The following PCDH11X variants were observed in gnomAD, a reference collection of about 807,000 sequenced individuals.
The protein encoded by PCDH11X is protocadherin 11 X-linked, also known as protocadherin-11 X-linked.
PCDH11X carries 18 observed loss-of-function variants against 53.3 expected under a neutral mutation model. That is an observed-to-expected ratio of 0.34 (90% CI 0.23 to 0.50). PCDH11X has a LOEUF of 0.50. PCDH11X is among the 20% of genes least tolerant of loss of function. The pLI is 0.98. For synonymous variants in PCDH11X, 279 were observed against 393.3 expected, an observed-to-expected ratio of 0.71 and a Z score of 3.44; for missense variants, 570 against 1,032.4, an observed-to-expected ratio of 0.55 and a Z score of 6.14.
intron 6 of PCDH11X, among the ~76,000 whole-genome samples, chrX:92,011,046 C>T (rs775195412): frequency 1.8e-4 from 20 of 110,754 alleles, no homozygotes; most frequent in South Asian, 7.6e-4. Context: ...TTACTGCAAG[C>T]GGAATGATTT....
intron 10 of PCDH11X, among the ~76,000 whole-genome samples, chrX:92,513,435 G>A (rs968314128): frequency 3.6e-5 from 4 of 110,684 alleles, no homozygotes; most frequent in African/African-American, 6.6e-5. Context: ...TAAGAATAAC[G>A]CATAGTGAGT....
chrX:92,605,926 T>C (rs1926737753), intron 10 of PCDH11X, among the ~76,000 whole-genome samples: 1 of 110,602 alleles, frequency 9.0e-6, no homozygotes, highest in East Asian at 2.8e-4. Flanking sequence ...ACTTGAATTT[T>C]GCAGAAATAA....
intron 6 of PCDH11X, among the ~76,000 whole-genome samples, chrX:91,896,136 AT>A (rs1444725538): frequency 9.2e-6 from 1 of 108,173 alleles, no homozygotes; most frequent in African/African-American, 3.4e-5. Context: ...TAATAAATAT[AT>A]TTTTTGAGAC....
intron 1 of PCDH11X, among the ~76,000 whole-genome samples, chrX:91,801,884 T>C (rs975012730): frequency 1.8e-5 from 2 of 112,564 alleles, no homozygotes; most frequent in African/African-American, 6.5e-5. Flanking sequence ...CCAACATATA[T>C]TAAATAACTT....
At chrX:92,218,385 A>G (rs1320993323) in intron 7 of PCDH11X, among the ~76,000 whole-genome samples, 4 of 111,602 alleles carry the variant, frequency 3.6e-5, no homozygotes, top group Non-Finnish European at 7.5e-5. Flanking sequence ...ATCCCACAGA[A>G]ATCCAAACTA....
intron 4 of PCDH11X, among the ~76,000 whole-genome samples, chrX:91,831,234 G>C (rs1353102826): frequency 1.8e-5 from 2 of 110,914 alleles, no homozygotes; most frequent in Non-Finnish European, 3.8e-5. Context: ...ATGTCTTGCT[G>C]ATAAAGGGCA....
intron 1 of PCDH11X, among the ~76,000 whole-genome samples, chrX:91,793,561 G>T (rs1411178046): frequency 9.0e-6 from 1 of 110,738 alleles, no homozygotes; most frequent in East Asian, 2.8e-4. Context: ...GAACAAGAAA[G>T]GAATACTAAG....
chrX:91,910,826 C>T (rs1352896384), intron 6 of PCDH11X, among the ~76,000 whole-genome samples: 1 of 111,347 alleles, frequency 9.0e-6, no homozygotes, highest in Non-Finnish European at 1.9e-5. Context: ...ATTCACTAAA[C>T]TATAAATATA....
chrX:92,113,205 T>C (rs1171922439), intron 6 of PCDH11X: 1 of 1,158,128 alleles, frequency 8.6e-7, no homozygotes, highest in East Asian at 3.0e-5. Flanking sequence ...CCCCCCGAGA[T>C]TGAGCCCTGG....
intron 8 of PCDH11X, among the ~76,000 whole-genome samples, chrX:92,307,990 T>C (rs2148477940): frequency 9.8e-6 from 1 of 102,265 alleles, no homozygotes; most frequent in East Asian, 3.1e-4. Flanking sequence ...CTACAAAATA[T>C]TGCTGAAAGA....
chrX:92,602,094 T>C (rs949653051), intron 10 of PCDH11X, among the ~76,000 whole-genome samples: 3 of 111,743 alleles, frequency 2.7e-5, no homozygotes, highest in African/African-American at 9.8e-5. Context: ...AGAAGCAGGC[T>C]ACTGTCCTCA....
At chrX:91,830,848 T>A (rs1272086633) in intron 4 of PCDH11X, among the ~76,000 whole-genome samples, 2 of 111,768 alleles carry the variant, frequency 1.8e-5, no homozygotes, top group Non-Finnish European at 3.8e-5. Context: ...TGTACAAAAA[T>A]TGTAGCATAT....
chrX:92,070,034 CA>C (rs952879120), intron 6 of PCDH11X, among the ~76,000 whole-genome samples: 2 of 109,338 alleles, frequency 1.8e-5, no homozygotes, highest in African/African-American at 3.3e-5. Flanking sequence ...AACAAACATG[CA>C]AAAAAAAACT....
intron 6 of PCDH11X, among the ~76,000 whole-genome samples, chrX:91,895,443 G>C (rs1480937864): frequency 9.0e-6 from 1 of 110,699 alleles, no homozygotes; most frequent in Non-Finnish European, 1.9e-5. Context: ...GGATACAAAA[G>C]ATCAAAACTA....
chrX:92,383,319 ATGTT>A (rs1463242782), intron 8 of PCDH11X, among the ~76,000 whole-genome samples: 1 of 28,303 alleles, frequency 3.5e-5, no homozygotes, highest in Admixed American at 5.0e-4. Flanking sequence ...CTGTAGATAA[ATGTT>A]TTTTTTTTTT....
chrX:91,873,079 G>A (rs757412745), intron 5 of PCDH11X, among the ~76,000 whole-genome samples: 53 of 107,126 alleles, frequency 4.9e-4, no homozygotes, highest in African/African-American at 1.6e-3. Flanking sequence ...TTCAAATCCC[G>A]TGGACAATAT....
intron 6 of PCDH11X, among the ~76,000 whole-genome samples, chrX:92,033,512 T>G (rs2063084447): frequency 1.8e-5 from 2 of 110,768 alleles, no homozygotes. Flanking sequence ...TCTTCTAGGT[T>G]TTCCAATTTA....
intron 6 of PCDH11X, among the ~76,000 whole-genome samples, chrX:92,175,196 C>T (rs780051921): frequency 2.3e-4 from 26 of 111,067 alleles, no homozygotes; most frequent in Non-Finnish European, 3.8e-4. Context: ...AGGCTGGTCT[C>T]GAACTCCCGA....
chrX:92,345,877 A>G (rs1337410301), intron 8 of PCDH11X, among the ~76,000 whole-genome samples: 1 of 104,007 alleles, frequency 9.6e-6, no homozygotes, highest in Non-Finnish European at 2.0e-5. Flanking sequence ...AAACGTATCA[A>G]AGTTAGTACC....
Sources: gnomAD v4.1 joint callset for allele counts (sites outside exome capture counted in the v4.1 genomes callset) on GRCh38, gnomAD v4.1.1 for gene constraint, MANE v1.5 for transcripts, NCBI Gene and HGNC (gene_info 2026-07-23, HGNC 2026-07-21) for gene names.